The following EPB41L4A variants were observed in gnomAD, a reference collection of about 807,000 sequenced individuals.
The protein encoded by EPB41L4A is band 4.1-like protein 4A.
Under a neutral mutation model 108.6 loss-of-function variants are expected in EPB41L4A, and 100 were observed. The observed-to-expected ratio is 0.92, with a 90% CI of 0.78 to 1.09. The LOEUF (loss-of-function observed/expected upper bound fraction) is 1.09, where lower values mean the gene tolerates loss of function less well. Among genes scored for constraint, EPB41L4A ranks in the 50% least tolerant of loss-of-function variants. The probability of loss-of-function intolerance (pLI) is 0.00; values close to 1 mark genes in which losing one functional copy is unlikely to be tolerated. For missense variants in EPB41L4A, 1,030 were observed against 842.7 expected (o/e 1.22, Z -2.75); for synonymous variants, 319 against 289.0 (o/e 1.10, Z -1.05).
chr5:112,168,191 G>A (rs1760366529), intron 22 of EPB41L4A, among the ~76,000 whole-genome samples: 1 of 152,230 alleles, frequency 6.6e-6, no homozygotes, highest in African/African-American at 2.4e-5. Flanking sequence ...GTTTGCTACA[G>A]TGTTCCCCTG....
intron 12 of EPB41L4A, among the ~76,000 whole-genome samples, chr5:112,154,766 C>T (rs182005051): frequency 1.3e-5 from 2 of 152,174 alleles, no homozygotes; most frequent in Admixed American, 1.3e-4. Context: ...AAATGCTGGA[C>T]ATAAATTGTG....
At chr5:112,416,972 T>C (rs150073364) in intron 1 of EPB41L4A, among the ~76,000 whole-genome samples, 55 of 152,344 alleles carry the variant, frequency 3.6e-4, no homozygotes, top group African/African-American at 1.2e-3. Flanking sequence ...AACATCTGTG[T>C]TACACACATG....
chr5:112,350,936 A>C (rs1758001265), intron 1 of EPB41L4A, among the ~76,000 whole-genome samples: 1 of 152,242 alleles, frequency 6.6e-6, no homozygotes, highest in African/African-American at 2.4e-5. Flanking sequence ...TGCAATAAAC[A>C]GAGAGATACA....
upstream of EPB41L4A, chr5:112,419,734 G>T (rs766017547): frequency 2.2e-6 from 1 of 456,732 alleles, no homozygotes. Context: ...CGGAAGAGAG[G>T]CGGAAAGGGC....
chr5:112,397,502 T>C (rs915683890), intron 1 of EPB41L4A, among the ~76,000 whole-genome samples: 11 of 152,118 alleles, frequency 7.2e-5, no homozygotes, highest in Non-Finnish European at 1.5e-4. Context: ...AGATGCAATA[T>C]GAATATGAAT....
intron 12 of EPB41L4A, among the ~76,000 whole-genome samples, chr5:112,213,180 A>G (rs1411572813): frequency 6.6e-6 from 1 of 152,164 alleles, no homozygotes; most frequent in South Asian, 2.1e-4. Flanking sequence ...AACTTTTTCA[A>G]AATAAATTGT....
intron 4 of EPB41L4A, 22 bp from the exon 5 acceptor site, chr5:112,266,352 A>T (rs766913003): frequency 6.5e-7 from 1 of 1,534,742 alleles, no homozygotes; most frequent in African/African-American, 1.4e-5. Context: ...ACAAAAAGAG[A>T]GATTAACGAT....
Position 112,147,477 on chromosome 5 carries a change from TAAA to T in EPB41L4A, n.995-1482_995-1480del, listed in dbSNP as rs1362075214. 3.3e-5 allele frequency among the ~76,000 whole-genome samples: 5 copies of T among 151,706 alleles called. No homozygotes were observed. In the East Asian group the frequency reaches 9.8e-4, roughly 30 times the overall value. ...CAACATAGTGAAACCCCTTCTCTAC[TAAA>T]AGTACAAAAATTAGCCGGGTGTGGT... On this transcript the variant is annotated intron_variant and non_coding_transcript_variant, in intron 12 of 13. Coordinates refer to the EPB41L4A transcript ENST00000507810.
At chr5:112,176,602 T>C (rs1454568309) in intron 18 of EPB41L4A, among the ~76,000 whole-genome samples, 1 of 152,074 alleles carries the variant, frequency 6.6e-6, no homozygotes, top group Non-Finnish European at 1.5e-5. Flanking sequence ...CCAAAATGTA[T>C]ATTCATCTAC....
Position 112,216,852 on chromosome 5 carries a change from T to G in EPB41L4A, c.1088-6870A>C, listed in dbSNP as rs376521498. Reference sequence around the variant, plus strand: ...TTAATTTCACCAACTTTAGACTAGGTACTATGGAAAAAATGGCAGTATAGC... The same window carrying G: ...TTAATTTCACCAACTTTAGACTAGGGACTATGGAAAAAATGGCAGTATAGC... On this transcript the variant is annotated intron_variant, in intron 12 of 22. Coordinates refer to ENST00000261486, the MANE Select transcript of EPB41L4A (RefSeq NM_022140.5). Among the ~76,000 whole-genome samples, 32 of 152,322 alleles carry G rather than the reference T, an allele frequency of 2.1e-4. 1 individual carries two copies. In the East Asian group the frequency reaches 2.1e-3, roughly 10 times the overall value.
At chr5:112,216,123 C>G (rs1747621336) in intron 12 of EPB41L4A, among the ~76,000 whole-genome samples, 3 of 152,190 alleles carry the variant, frequency 2.0e-5, no homozygotes, top group African/African-American at 7.2e-5. Flanking sequence ...TTAAGTGATC[C>G]TTGCCTTCAG....
intron 3 of EPB41L4A, among the ~76,000 whole-genome samples, chr5:112,279,064 CAAAAAA>C (rs60463391): frequency 4.4e-4 from 34 of 76,886 alleles, no homozygotes; most frequent in African/African-American, 1.4e-3. Context: ...GATACCGTCT[CAAAAAA>C]AAAAAAAAAA....
chr5:112,259,960 T>C lies in EPB41L4A; in HGVS notation c.662A>G (p.Tyr221Cys), dbSNP rs762365947. 28 of 1,613,822 alleles carry C rather than the reference T, an allele frequency of 1.7e-5. No individual in the cohort carries two copies. The highest frequency in any genetic ancestry group is 2.3e-5 in the Non-Finnish European group (27 of 1,179,826). ...HPVYGENKSE[Y>C]FLGLTPVGVV... is the part of the protein sequence containing the mutation. ...ACCAACCGGAGTTAATCCTAAGAAA[T>C]ACTCAGACTTGTTTTCTCCCTGCAA... Residue 221 changes from tyrosine to cysteine, a missense_variant, in exon 8 of 23, where the codon TAT (tyrosine) becomes TGT (cysteine). Physicochemically the swap from Tyr to Cys is radical, Grantham distance 194 (BLOSUM62 -2). Coordinates refer to ENST00000261486, the MANE Select transcript of EPB41L4A (RefSeq NM_022140.5).
In EPB41L4A at chr5:112,402,463, C is replaced by T. The variant is rs377155642; in HGVS notation, c.99+16478G>A. Among the ~76,000 whole-genome samples, 16 of 152,206 alleles carry T rather than the reference C, an allele frequency of 1.1e-4. No homozygotes were observed. In the East Asian group the frequency reaches 3.1e-3, roughly 29 times the overall value. On this transcript the variant is annotated intron_variant, in intron 1 of 22. Transcript: ENST00000261486. Reference sequence around the variant, plus strand: ...ACAGCAGCCTTTGCTAACAACATGACTTTGGTCAACTCACCAGTTACTGCA... The same window carrying T: ...ACAGCAGCCTTTGCTAACAACATGATTTTGGTCAACTCACCAGTTACTGCA...
At chr5:112,230,776 T>A (rs893326894) in intron 12 of EPB41L4A, among the ~76,000 whole-genome samples, 9 of 152,190 alleles carry the variant, frequency 5.9e-5, no homozygotes, top group African/African-American at 2.2e-4. Flanking sequence ...TGTTTTTGGG[T>A]TCTTGGCTAT....
At chr5:112,182,511 A>C (rs1293067643) in intron 18 of EPB41L4A, among the ~76,000 whole-genome samples, 1 of 152,114 alleles carries the variant, frequency 6.6e-6, no homozygotes, top group Admixed American at 6.6e-5. Context: ...ATTTTATTTT[A>C]CTTTCCCCTT....
rs758957034 is a variant in EPB41L4A, at chr5:112,259,857, TAGAATGCCAA to T, written c.731+24_731+33del. ...ACAGGAGTCCCATAAGCCCAAAACA[TAGAATGCCAA>T]CTCTGTTCTCAAGCCATACCTACCA... On this transcript the variant is annotated intron_variant, in intron 8 of 22. Transcript: ENST00000261486. 82 of 1,544,102 alleles carry T rather than the reference TAGAATGCCAA, an allele frequency of 5.3e-5. No homozygotes were observed. The South Asian group carries it at 6.6e-4, about 12-fold the overall frequency.
At chr5:112,227,196 A>C (rs1041171847) in intron 12 of EPB41L4A, among the ~76,000 whole-genome samples, 2 of 152,108 alleles carry the variant, frequency 1.3e-5, no homozygotes, top group Non-Finnish European at 2.9e-5. Flanking sequence ...TCTAGATTTA[A>C]GTGAGAGTGT....
chr5:112,280,336 G>A lies in EPB41L4A; in HGVS notation c.205-13C>T. On this transcript the variant is annotated splice_polypyrimidine_tract_variant and intron_variant, in intron 2 of 22. Transcript: ENST00000261486. ...GATCCAGCCAATACTGTGTGAGGAA[G>A]AAAAGGACAATTAAAGAAATTAGTT... 1 of 1,612,804 alleles carries A rather than the reference G, an allele frequency of 6.2e-7. No homozygotes were observed.
Sources: gnomAD v4.1 joint callset for allele counts (sites outside exome capture counted in the v4.1 genomes callset) on GRCh38, gnomAD v4.1.1 for gene constraint, MANE v1.5 for transcripts, NCBI Gene and HGNC (gene_info 2026-07-23, HGNC 2026-07-21) for gene names.